The following STARD8 variants were observed in gnomAD, a reference collection of about 807,000 sequenced individuals.
STARD8 encodes the protein StAR related lipid transfer domain containing 8, also known as stAR-related lipid transfer protein 8.
Under a neutral mutation model 69.4 loss-of-function variants are expected in STARD8, and 25 were observed. The ratio of observed to expected loss-of-function variants is 0.36; its 90% CI spans 0.26 to 0.50. STARD8 has a LOEUF of 0.50. Among genes scored for constraint, STARD8 ranks in the 20% least tolerant of loss-of-function variants. The pLI is 0.96. For missense variants in STARD8, 921 were observed against 932.5 expected (o/e 0.99, Z 0.16); for synonymous variants, 389 against 374.6 (o/e 1.04, Z -0.45).
rs992789809 is a variant in STARD8, at chrX:68,724,505, C to A, written c.*83C>A. 3 of 819,803 alleles carry A rather than the reference C, an allele frequency of 3.7e-6. No homozygotes were observed. In the East Asian group the frequency reaches 1.0e-4, roughly 28 times the overall value. 67.6% of individuals were successfully genotyped at this position (819,803 alleles called of 1,213,427 possible). ...GGGGGAATAAGAGCAGGGCAGCCCC[C>A]TGGGTGCCGCTGTCAGGAGCAGAGC... On this transcript the variant is annotated 3_prime_UTR_variant, in exon 15 of 15. Coordinates refer to ENST00000374599, the MANE Select transcript of STARD8 (RefSeq NM_001142503.3).
intron 3 of STARD8, among the ~76,000 whole-genome samples, chrX:68,714,264 C>T (rs111226228): frequency 2.7e-5 from 3 of 112,515 alleles, no homozygotes; most frequent in African/African-American, 9.7e-5. Context: ...CTGCTCTGGC[C>T]TGTCAGACTG....
chrX:68,714,632 C>T (rs1004067252), intron 3 of STARD8, among the ~76,000 whole-genome samples: 1 of 112,369 alleles, frequency 8.9e-6, no homozygotes, highest in African/African-American at 3.2e-5. Context: ...AGGCAGGAAC[C>T]GTTTTTGTTG....
intron 3 of STARD8, among the ~76,000 whole-genome samples, chrX:68,715,044 C>T (rs2080080667): frequency 9.0e-6 from 1 of 110,989 alleles, no homozygotes; most frequent in Admixed American, 9.4e-5. Context: ...CTTGGGCCTG[C>T]TATCTCCCAT....
At chrX:68,667,225 G>C (rs1409054033) in intron 2 of STARD8, among the ~76,000 whole-genome samples, 3 of 112,203 alleles carry the variant, frequency 2.7e-5, no homozygotes, top group Non-Finnish European at 5.6e-5. Context: ...GAGTTTATGT[G>C]GATGTGGAAA....
chrX:68,664,318 C>T (rs1868320168), intron 1 of STARD8, among the ~76,000 whole-genome samples: 1 of 111,496 alleles, frequency 9.0e-6, no homozygotes, highest in Non-Finnish European at 1.9e-5. Flanking sequence ...CTGCAAAAGC[C>T]TCCTAACAGA....
chrX:68,723,642 C>T lies in STARD8; in HGVS notation c.2816C>T (p.Pro939Leu). The T allele has an allele frequency of 8.4e-7, 1 of 1,196,741 alleles. No homozygotes were observed. Among genetic ancestry groups the T allele is most frequent in the Non-Finnish European group, 1.1e-6 (1 of 888,554 alleles). ...LACRKAPDGH[P>L]LRLWKASTEV... ...GGCTCACAGGCACCGGATGGGCACC[C>T]CCTGCGGCTATGGAAGGCATCCACA... The change falls in exon 13 of 15, where the codon CCC becomes CTC. Residue 939 changes from proline (P) to leucine (L), a missense_variant. Transcript: ENST00000374599.
In STARD8 at chrX:68,721,736, C is replaced by T. The variant is rs766463142; in HGVS notation, c.2449C>T (p.Pro817Ser). 9.1e-6 allele frequency: 11 copies of T among 1,208,592 alleles called. No homozygotes were observed. The South Asian group carries it at 1.9e-4, about 21-fold the overall frequency. The change falls in exon 10 of 15, where the codon CCC (proline) becomes TCC (serine). Residue 817 changes from proline to serine, a missense_variant. Pro to Ser is a moderately conservative substitution (Grantham distance 74). Transcript: ENST00000374599. Reference protein sequence around the residue: ...FHLNVSKKDSPSPRIKSKRSL... With the variant: ...FHLNVSKKDSSSPRIKSKRSL... ...CCTCAATGTCTCTAAGAAGGATAGC[C>T]CCTCTCCCAGGTGAAATGGTGCACG...
intron 2 of STARD8, among the ~76,000 whole-genome samples, chrX:68,667,025 G>A (rs773324215): frequency 8.9e-6 from 1 of 112,366 alleles, no homozygotes; most frequent in South Asian, 3.7e-4. Context: ...AGCTCTGGGA[G>A]GGTGGCTTCC....
chrX:68,685,353 C>T (rs1377650945), intron 2 of STARD8, among the ~76,000 whole-genome samples: 1 of 111,663 alleles, frequency 9.0e-6, no homozygotes, highest in East Asian at 2.8e-4. Flanking sequence ...TACTGGCCAC[C>T]AACAGAAGTA....
At chrX:68,674,069 G>A (rs1476036683) in intron 2 of STARD8, among the ~76,000 whole-genome samples, 4 of 111,271 alleles carry the variant, frequency 3.6e-5, no homozygotes, top group Non-Finnish European at 7.5e-5. Flanking sequence ...CAAGGCGGGT[G>A]GATCACCTGA....
Position 68,722,078 on chromosome X carries a change from C to A in STARD8, c.2491C>A (p.Pro831Thr), listed in dbSNP as rs766706655. The A allele has an allele frequency of 8.3e-7, 1 of 1,202,174 alleles. No individual in the cohort carries two copies. Among genetic ancestry groups the A allele is most frequent in the Admixed American group, 2.2e-5 (1 of 45,707 alleles). The change falls in exon 11 of 15, where the codon CCA becomes ACA. Residue 831 changes from proline (P) to threonine (T), a missense_variant. Transcript: ENST00000374599. Reference sequence around the variant, plus strand: ...GAGCAAACGCAGCCTCATTGGCAGGCCAGGCCCTAGGGACCTGAGTGACAA... The same window carrying A: ...GAGCAAACGCAGCCTCATTGGCAGGACAGGCCCTAGGGACCTGAGTGACAA... ...IKSKRSLIGR[P>T]GPRDLSDNMA... is the part of the protein sequence containing the mutation.
chrX:68,661,918 CTT>C (rs1318811152), intron 1 of STARD8, among the ~76,000 whole-genome samples: 45 of 98,935 alleles, frequency 4.5e-4, no homozygotes, highest in African/African-American at 1.7e-3. Flanking sequence ...TCCTTCCTTC[CTT>C]CCTTCCTTCC....
At chrX:68,722,847 C>T (rs1487878470) in intron 12 of STARD8, among the ~76,000 whole-genome samples, 1 of 112,667 alleles carries the variant, frequency 8.9e-6, no homozygotes, top group Non-Finnish European at 1.9e-5. Context: ...AGGGAACTCT[C>T]TCAGGAACCA....
intron 1 of STARD8, among the ~76,000 whole-genome samples, chrX:68,655,697 C>T (rs893729196): frequency 9.0e-5 from 10 of 111,345 alleles, no homozygotes; most frequent in African/African-American, 2.9e-4. Context: ...CTTTCTGGGA[C>T]CAGTTTTTGG....
rs927352830 is a variant in STARD8, at chrX:68,650,504, G to A, written c.45+2577G>A. Among the ~76,000 whole-genome samples the A allele has an allele frequency of 3.9e-5, 4 of 102,964 alleles. No homozygotes were observed. In the Admixed American group the frequency reaches 4.3e-4, roughly 11 times the overall value. 89.4% of individuals were successfully genotyped at this position (102,964 alleles called of 115,157 possible). A position where few individuals can be genotyped will look rare whatever the true frequency, so the allele number is the denominator to read the frequency against. On this transcript the variant is annotated intron_variant, in intron 1 of 14. Transcript: ENST00000374599. The stretch of plus-strand genomic sequence containing the variant: ...AGGGGAGGAGGAGGAGGAGGAGGAG[G>A]AGGAGGAGGAATAGTAATTATAGGT...
At chrX:68,708,731 C>T (rs1302585796) in intron 2 of STARD8, among the ~76,000 whole-genome samples, 1 of 112,492 alleles carries the variant, frequency 8.9e-6, no homozygotes, top group Non-Finnish European at 1.9e-5. Flanking sequence ...ATCACCTAAG[C>T]TTTGGCCAGA....
intron 2 of STARD8, among the ~76,000 whole-genome samples, chrX:68,674,547 AGCCACAGAGT>A (rs980145136): frequency 9.0e-6 from 1 of 111,120 alleles, no homozygotes; most frequent in Admixed American, 9.7e-5. Context: ...AAACAGAGCC[AGCCACAGAGT>A]GCTTGGGAAC....
At chrX:68,694,236 C>T in intron 2 of STARD8, among the ~76,000 whole-genome samples, 1 of 112,807 alleles carries the variant, frequency 8.9e-6, no homozygotes, top group East Asian at 2.8e-4. Context: ...TCTCCTTTCT[C>T]TGCTTTCGAG....
intron 1 of STARD8, among the ~76,000 whole-genome samples, chrX:68,657,591 C>G (rs746059665): frequency 2.9e-4 from 33 of 112,120 alleles, no homozygotes; most frequent in Middle Eastern, 4.6e-3. Flanking sequence ...TTTAGTTAAT[C>G]TAGAACCTGT....
Sources: gnomAD v4.1 joint callset for allele counts (sites outside exome capture counted in the v4.1 genomes callset) on GRCh38, gnomAD v4.1.1 for gene constraint, MANE v1.5 for transcripts, NCBI Gene and HGNC (gene_info 2026-07-23, HGNC 2026-07-21) for gene names.